SLA: variants seen among roughly 807,000 people sequenced by gnomAD.
SLA encodes the protein Src like adaptor.
In SLA, 16 loss-of-function variants were observed where a neutral mutation model predicts 30.3. The ratio of observed to expected loss-of-function variants is 0.53; its 90% CI spans 0.36 to 0.80. SLA has a LOEUF of 0.80. Ranked by LOEUF, SLA falls within the 30% of genes least tolerant of loss-of-function variation. The pLI, the probability that SLA is intolerant of heterozygous loss-of-function variation, is 0.01. For missense variants in SLA, 310 were observed against 345.2 expected (o/e 0.90, Z 0.81); for synonymous variants, 143 against 137.8 (o/e 1.04, Z -0.26).
chr8:133,087,505 GC>G (rs1846783167), intron 1 of SLA, among the ~76,000 whole-genome samples: 1 of 152,110 alleles, frequency 6.6e-6, no homozygotes, highest in Non-Finnish European at 1.5e-5. Context: ...AATGGACTTG[GC>G]CATGTCACTT....
intron 1 of SLA, among the ~76,000 whole-genome samples, chr8:133,093,611 C>T (rs1388615780): frequency 6.6e-6 from 1 of 152,162 alleles, no homozygotes; most frequent in Non-Finnish European, 1.5e-5. Context: ...CCAGGATCCC[C>T]CAATTCCATG....
Position 133,097,835 on chromosome 8 carries a change from A to T in SLA, c.-319+4718T>A, listed in dbSNP as rs538054695. Among the ~76,000 whole-genome samples, 13 of 152,284 alleles carry T rather than the reference A, an allele frequency of 8.5e-5. 1 individual carries two copies. The South Asian group carries it at 2.7e-3, about 32-fold the overall frequency. ...TATGTGTGCGTGTGTATGTAGAGAG[A>T]GAGAAAGAAGCAGGGCTGGTGAGGT... is the stretch of plus-strand genomic sequence containing the variant. On this transcript the variant is annotated intron_variant, in intron 1 of 8. Transcript: ENST00000338087.
chr8:133,097,950 G>A (rs1253104666), intron 1 of SLA, among the ~76,000 whole-genome samples: 2 of 152,190 alleles, frequency 1.3e-5, no homozygotes, highest in African/African-American at 4.8e-5. Flanking sequence ...GGGTGTATGA[G>A]TGAGTGTGTG....
chr8:133,055,351 A>ATG (rs1564126146), intron 3 of SLA, among the ~76,000 whole-genome samples: 6 of 82,030 alleles, frequency 7.3e-5, no homozygotes, highest in Admixed American at 5.0e-4. Context: ...TTCAGGACAC[A>ATG]CACACGCACG....
intron 1 of SLA, among the ~76,000 whole-genome samples, chr8:133,091,163 G>T (rs2739175): frequency 6.6e-6 from 1 of 152,148 alleles, no homozygotes; most frequent in Admixed American, 6.5e-5. Flanking sequence ...GTTTGTCCTC[G>T]TCTTCATTGT....
chr8:133,080,548 C>T (rs1397783746), intron 1 of SLA, among the ~76,000 whole-genome samples: 1 of 152,186 alleles, frequency 6.6e-6, no homozygotes, highest in African/African-American at 2.4e-5. Context: ...GACTCAGGCC[C>T]TGCTGCTATC....
intron 1 of SLA, among the ~76,000 whole-genome samples, chr8:133,082,886 G>A (rs1845970557): frequency 6.6e-6 from 1 of 152,136 alleles, no homozygotes; most frequent in Non-Finnish European, 1.5e-5. Flanking sequence ...ATTTGCCAAA[G>A]CAAACTCGAA....
rs928265168 is a variant in SLA at position 133,077,847 on chromosome 8, C to A, written c.-318-2717G>T. On this transcript the variant is annotated intron_variant, in intron 1 of 8. Transcript: ENST00000338087. The stretch of plus-strand genomic sequence containing the variant: ...TGCCACAGCATCTCTGGACCTGACC[C>A]CCTAGACAGCAGGAGCCCCCCGCAC... Among the ~76,000 whole-genome samples, 9 of 151,820 alleles carry A rather than the reference C, an allele frequency of 5.9e-5. No homozygotes were observed. The East Asian group carries it at 1.7e-3, about 29-fold the overall frequency.
In SLA at chr8:133,047,981, C is replaced by G. The variant is rs371194857; in HGVS notation, c.249-48G>C. On this transcript the variant is annotated intron_variant, in intron 5 of 8. Coordinates refer to ENST00000338087, the MANE Select transcript of SLA (RefSeq NM_001045556.3). ...TTAGGATCCGGAACAAGCCCTCCCC[C>G]AGGAAAGGCAGGAATGCGCCACCCA... is the stretch of plus-strand genomic sequence containing the variant. 386 of 1,138,636 alleles carry G rather than the reference C, an allele frequency of 3.4e-4. No homozygotes were observed. In the African/African-American group the frequency reaches 5.2e-3, roughly 15 times the overall value. 70.5% of individuals were successfully genotyped at this position (1,138,636 alleles called of 1,614,324 possible). A position where few individuals can be genotyped will look rare whatever the true frequency, so the allele number is the denominator to read the frequency against.
intron 3 of SLA, among the ~76,000 whole-genome samples, chr8:133,057,937 G>A (rs1841757466): frequency 6.6e-6 from 1 of 152,182 alleles, no homozygotes; most frequent in African/African-American, 2.4e-5. Context: ...AGGGTCTGTG[G>A]AGGGTCTGTG....
chr8:133,066,515 A>T (rs1230717738), intron 2 of SLA, among the ~76,000 whole-genome samples: 2 of 152,202 alleles, frequency 1.3e-5, no homozygotes, highest in East Asian at 3.8e-4. Flanking sequence ...TAGTGATTTT[A>T]TATGTGAATT....
chr8:133,080,490 C>T (rs1172731377), intron 1 of SLA, among the ~76,000 whole-genome samples: 4 of 152,122 alleles, frequency 2.6e-5, no homozygotes, highest in Admixed American at 2.0e-4. Flanking sequence ...CACCTCTCCC[C>T]GCCAATGCTC....
At chr8:133,070,863 T>C (rs1456701959) in intron 2 of SLA, among the ~76,000 whole-genome samples, 2 of 152,246 alleles carry the variant, frequency 1.3e-5, no homozygotes, top group East Asian at 3.8e-4. Context: ...CTCTGGACAG[T>C]AGTTGTCAAC....
At chr8:133,087,632 A>T (rs1047788670) in intron 1 of SLA, 2 of 152,368 alleles carry the variant, frequency 1.3e-5, no homozygotes, top group Admixed American at 6.5e-5. Context: ...TTTCTAATTA[A>T]AAATGTAACA....
intron 1 of SLA, among the ~76,000 whole-genome samples, chr8:133,083,636 A>T (rs4236895): frequency 0.018 from 2,747 of 152,166 alleles, 80 homozygotes; most frequent in African/African-American, 0.063. Flanking sequence ...TGTCAGTGCA[A>T]GAGTCAGTAA....
intron 7 of SLA, chr8:133,040,475 A>G: frequency 3.7e-6 from 1 of 273,462 alleles, no homozygotes. Context: ...CTGCAGAATG[A>G]AAGAAATGAA....
rs779941656 is a variant in SLA at position 133,038,685 on chromosome 8, G to C, written c.670C>G (p.Leu224Val). ...TENPLGVDES[L>V]FSYGLRESIA... ...CTCTCTCGAAGGCCATAGCTGAAAA[G>C]GGACTCGTCTACCCCAAGCGGGTTC... is the stretch of plus-strand genomic sequence containing the variant. Residue 224 changes from leucine to valine, a missense_variant, in exon 9 of 9, where the codon CTT becomes GTT. Leu to Val is a conservative substitution (Grantham distance 32). Transcript: ENST00000338087. 5 of 1,614,018 alleles carry C rather than the reference G, an allele frequency of 3.1e-6. No individual in the cohort carries two copies. Among genetic ancestry groups the C allele is most frequent in the Non-Finnish European group, 4.2e-6 (5 of 1,180,038 alleles).
At chr8:133,041,048 CTT>C (rs1356097882) in intron 7 of SLA, among the ~76,000 whole-genome samples, 1 of 152,204 alleles carries the variant, frequency 6.6e-6, no homozygotes, top group African/African-American at 2.4e-5. Flanking sequence ...ATGAGAAAGA[CTT>C]GATTCTGCTG....
intron 1 of SLA, among the ~76,000 whole-genome samples, chr8:133,097,240 G>A (rs1848564400): frequency 6.6e-6 from 1 of 152,228 alleles, no homozygotes; most frequent in Admixed American, 6.5e-5. Flanking sequence ...AGGATCCTGA[G>A]TTCCTTTGGA....
Sources: gnomAD v4.1 joint callset for allele counts (sites outside exome capture counted in the v4.1 genomes callset) on GRCh38, gnomAD v4.1.1 for gene constraint, MANE v1.5 for transcripts, NCBI Gene and HGNC (gene_info 2026-07-23, HGNC 2026-07-21) for gene names.